The following PRKN variants were observed in gnomAD, a reference collection of about 807,000 sequenced individuals.
The protein encoded by PRKN is E3 ubiquitin-protein ligase parkin.
PRKN carries 56 observed loss-of-function variants against 59.5 expected under a neutral mutation model. The observed-to-expected ratio is 0.94, with a 90% confidence interval of 0.76 to 1.18. The LOEUF is 1.18. Among genes scored for constraint, PRKN ranks in the 50% most tolerant of loss-of-function variants. The pLI is 0.00. For missense variants in PRKN, 657 were observed against 596.4 expected (o/e 1.10, Z -1.06); for synonymous variants, 250 against 222.1 (o/e 1.13, Z -1.12).
At chr6:161,806,912 A>G (rs1334607506) in intron 6 of PRKN, among the ~76,000 whole-genome samples, 1 of 152,170 alleles carries the variant, frequency 6.6e-6, no homozygotes, top group Non-Finnish European at 1.5e-5. Context: ...AAATAGTGAG[A>G]AATCATCCGA....
chr6:161,696,322 G>A (rs1786020727), intron 7 of PRKN, among the ~76,000 whole-genome samples: 1 of 152,144 alleles, frequency 6.6e-6, no homozygotes, highest in South Asian at 2.1e-4. Flanking sequence ...GGGATATTTG[G>A]AAGTTTCTAA....
chr6:161,500,679 C>T (rs977931088), intron 9 of PRKN, among the ~76,000 whole-genome samples: 2 of 152,024 alleles, frequency 1.3e-5, no homozygotes, highest in Admixed American at 1.3e-4. Context: ...TCTGGAAGTA[C>T]CAGTTTATTT....
intron 1 of PRKN, among the ~76,000 whole-genome samples, chr6:162,633,248 ACGTGGTG>A (rs1777582541): frequency 6.6e-6 from 1 of 151,812 alleles, no homozygotes; most frequent in South Asian, 2.1e-4. Context: ...AGCCTGGCCG[ACGTGGTG>A]AAACCCCATC....
In PRKN at chr6:161,560,559, G is replaced by C. The variant is rs914881459; in HGVS notation, c.933+8796C>G. On this transcript the variant is annotated intron_variant, in intron 8 of 11. Coordinates refer to ENST00000366898, the MANE Select transcript of PRKN (RefSeq NM_004562.3). This position sits in a 1 kb window ranked among gnomAD's most constrained non-coding sequence, Gnocchi z 4.9. ...CATCATTCTGGGGACTTGAACTCCTGTATGAATAAGCCACCATCAATCTAT... is the reference window on the plus strand; with the variant it reads ...CATCATTCTGGGGACTTGAACTCCTCTATGAATAAGCCACCATCAATCTAT... 6.6e-6 allele frequency among the ~76,000 whole-genome samples: 1 copy of C among 152,116 alleles called. No individual in the cohort carries two copies. Among genetic ancestry groups the C allele is most frequent in the East Asian group, 1.9e-4 (1 of 5,178 alleles).
At chr6:161,639,553 C>A (rs950229138) in intron 7 of PRKN, among the ~76,000 whole-genome samples, 3 of 152,280 alleles carry the variant, frequency 2.0e-5, no homozygotes, top group African/African-American at 7.2e-5. Context: ...CCCACCTCCT[C>A]AACCCTGTTT....
At chr6:162,230,106 C>T (rs1176643311) in intron 3 of PRKN, among the ~76,000 whole-genome samples, 1 of 152,178 alleles carries the variant, frequency 6.6e-6, no homozygotes, top group Non-Finnish European at 1.5e-5. Flanking sequence ...TAAAGGTAAA[C>T]TGAAGTGCAA....
At chr6:162,277,713 A>T (rs1021484065) in intron 2 of PRKN, among the ~76,000 whole-genome samples, 3 of 143,034 alleles carry the variant, frequency 2.1e-5, no homozygotes, top group Admixed American at 2.0e-4. Context: ...CTCAGGGAGC[A>T]GCAAATTAAC....
At chr6:162,567,062 C>CG (rs1190812416) in intron 1 of PRKN, among the ~76,000 whole-genome samples, 2 of 152,088 alleles carry the variant, frequency 1.3e-5, no homozygotes, top group Non-Finnish European at 2.9e-5. Context: ...AATTCAACAT[C>CG]CTTCATGATA....
intron 1 of PRKN, among the ~76,000 whole-genome samples, chr6:162,540,456 G>C (rs1778884463): frequency 6.6e-6 from 1 of 151,982 alleles, no homozygotes; most frequent in African/African-American, 2.4e-5. Context: ...TCCTGAAAAA[G>C]GTGCCAAAAG....
chr6:161,927,227 G>A (rs1447245571), intron 6 of PRKN, among the ~76,000 whole-genome samples: 1 of 152,160 alleles, frequency 6.6e-6, no homozygotes, highest in Admixed American at 6.5e-5. Flanking sequence ...CCACTTGCAT[G>A]TACATGCTTT....
chr6:161,673,273 G>T (rs115866488), intron 7 of PRKN, among the ~76,000 whole-genome samples: 2 of 152,326 alleles, frequency 1.3e-5, no homozygotes, highest in East Asian at 1.9e-4. Flanking sequence ...AGTGTGCGGG[G>T]TGGGGGCTGG....
intron 7 of PRKN, among the ~76,000 whole-genome samples, chr6:161,774,422 ACACACACACACG>A (rs953796000): frequency 1.5e-4 from 21 of 139,088 alleles, no homozygotes; most frequent in African/African-American, 5.2e-4. Flanking sequence ...ACACACACAC[ACACACACACACG>A]GCGTGGCTAG....
intron 2 of PRKN, among the ~76,000 whole-genome samples, chr6:162,357,344 A>C (rs924471808): frequency 1.3e-5 from 2 of 152,200 alleles, no homozygotes; most frequent in African/African-American, 4.8e-5. Context: ...CAAAGGAAAA[A>C]TAAAGAAATA....
At chr6:162,481,167 A>T (rs945028842) in intron 1 of PRKN, among the ~76,000 whole-genome samples, 1 of 152,174 alleles carries the variant, frequency 6.6e-6, no homozygotes, top group Non-Finnish European at 1.5e-5. Flanking sequence ...TCATATAAAG[A>T]ATTAAGTAGT....
chr6:162,031,633 T>C (rs1015908158), intron 5 of PRKN, among the ~76,000 whole-genome samples: 1 of 151,778 alleles, frequency 6.6e-6, no homozygotes, highest in Non-Finnish European at 1.5e-5. Flanking sequence ...CCTCCAAGGT[T>C]CAAGCGATTC....
Position 162,542,369 on chromosome 6 carries a change from G to A in PRKN, c.8-98896C>T, listed in dbSNP as rs370363658. Among the ~76,000 whole-genome samples the A allele has an allele frequency of 3.9e-5, 6 of 152,048 alleles. No individual in the cohort carries two copies. The South Asian group carries it at 6.2e-4, about 16-fold the overall frequency. On this transcript the variant is annotated intron_variant, in intron 1 of 11. Coordinates refer to ENST00000366898, the MANE Select transcript of PRKN (RefSeq NM_004562.3). ...GATGTTACTTGCCCAAGAGTCACAG[G>A]GCTATTAACAGGCAGAATTGAGACT...
rs563260219 is a variant in PRKN, at chr6:161,860,095, G to A, written c.735-74187C>T. The stretch of plus-strand genomic sequence containing the variant: ...AAGTCTCATCTATTAGTGTATAATA[G>A]TAAGTTTACAGTTTTAAAATATTTT... On this transcript the variant is annotated intron_variant, in intron 6 of 11. Transcript: ENST00000366898. Among the ~76,000 whole-genome samples the A allele has an allele frequency of 2.0e-4, 31 of 152,224 alleles. 1 individual carries two copies. The highest frequency in any genetic ancestry group is 7.0e-4 in the African/African-American group (29 of 41,528).
At chr6:162,637,417 C>T (rs1318279639) in intron 1 of PRKN, among the ~76,000 whole-genome samples, 1 of 152,104 alleles carries the variant, frequency 6.6e-6, no homozygotes, top group East Asian at 1.9e-4. Context: ...CCAAATATTG[C>T]TTACCATTCT....
intron 2 of PRKN, among the ~76,000 whole-genome samples, chr6:162,433,940 T>C (rs1789654332): frequency 6.6e-6 from 1 of 152,176 alleles, no homozygotes; most frequent in South Asian, 2.1e-4. Context: ...TGTCAGAATA[T>C]TCTATTAATT....
Sources: gnomAD v4.1 joint callset for allele counts (sites outside exome capture counted in the v4.1 genomes callset) on GRCh38, gnomAD v4.1.1 for gene constraint, Gnocchi (gnomAD v3.1) non-coding constraint, MANE v1.5 for transcripts, NCBI Gene and HGNC (gene_info 2026-07-23, HGNC 2026-07-21) for gene names.